Variants in IL1RAPL1 observed in about 807,000 individuals in gnomAD.
The protein encoded by IL1RAPL1 is interleukin-1 receptor accessory protein-like 1.
A neutral mutation model predicts 48.4 loss-of-function variants in IL1RAPL1; 3 were observed. The ratio of observed to expected loss-of-function variants is 0.06; its 90% CI spans 0.03 to 0.16. IL1RAPL1 has a LOEUF of 0.16. Ranked by LOEUF, IL1RAPL1 falls within the 10% of genes least tolerant of loss-of-function variation. The pLI, the probability that IL1RAPL1 is intolerant of heterozygous loss-of-function variation, is 1.00. For synonymous variants in IL1RAPL1, 185 were observed against 187.7 expected (o/e 0.99, Z 0.12); for missense variants, 349 against 530.6 (o/e 0.66, Z 3.36).
chrX:29,771,532 G>A (rs1484849887), intron 6 of IL1RAPL1, among the ~76,000 whole-genome samples: 1 of 111,695 alleles, frequency 9.0e-6, no homozygotes, highest in Non-Finnish European at 1.9e-5. Context: ...AGTAGTTTGG[G>A]GTCACTGTTT....
chrX:28,869,815 A>T (rs1354460285), intron 2 of IL1RAPL1, among the ~76,000 whole-genome samples: 3 of 111,588 alleles, frequency 2.7e-5, no homozygotes, highest in Admixed American at 9.5e-5. Context: ...ATTTTAGAAT[A>T]TTTTATTTAA....
intron 5 of IL1RAPL1, among the ~76,000 whole-genome samples, chrX:29,636,150 C>A (rs904207426): frequency 4.5e-5 from 5 of 110,833 alleles, no homozygotes; most frequent in Non-Finnish European, 7.6e-5. Context: ...GATAATATGA[C>A]AAAAAATGGT....
chrX:29,313,674 G>A (rs1053583528), intron 3 of IL1RAPL1, among the ~76,000 whole-genome samples: 6 of 111,569 alleles, frequency 5.4e-5, no homozygotes, highest in African/African-American at 2.0e-4. Flanking sequence ...CACAATATTA[G>A]GGAGGCAATG....
chrX:28,747,276 C>T (rs1461840811), intron 1 of IL1RAPL1, among the ~76,000 whole-genome samples: 1 of 111,507 alleles, frequency 9.0e-6, no homozygotes, highest in Non-Finnish European at 1.9e-5. Flanking sequence ...AAATTTCCTC[C>T]TTCCCCATGT....
intron 5 of IL1RAPL1, among the ~76,000 whole-genome samples, chrX:29,403,055 G>C (rs761141497): frequency 1.8e-5 from 2 of 111,448 alleles, no homozygotes; most frequent in Non-Finnish European, 3.8e-5. Context: ...TGTCATCCAT[G>C]CTATATGTCA....
At chrX:28,943,109 G>A (rs1924205557) in intron 2 of IL1RAPL1, among the ~76,000 whole-genome samples, 1 of 108,433 alleles carries the variant, frequency 9.2e-6, no homozygotes, top group Admixed American at 1.0e-4. Context: ...TTATTTCTCA[G>A]CCAGCGGAAC....
At position 29,482,426 on chromosome X, in the gene IL1RAPL1, T is replaced by G. The variant is rs776608145; in HGVS notation, c.703+83118T>G. On this transcript the variant is annotated intron_variant, in intron 5 of 10. Coordinates refer to ENST00000378993, the MANE Select transcript of IL1RAPL1 (RefSeq NM_014271.4). ...AATCATGGGGTTGTTATGAGGATATTTAATCACTTAGACTTAAGCTTTCTA... is the reference window on the plus strand; with the variant it reads ...AATCATGGGGTTGTTATGAGGATATGTAATCACTTAGACTTAAGCTTTCTA... Among the ~76,000 whole-genome samples, 7 of 112,222 alleles carry G rather than the reference T, an allele frequency of 6.2e-5. No individual in the cohort carries two copies. In the East Asian group the frequency reaches 2.0e-3, roughly 31 times the overall value.
intron 3 of IL1RAPL1, among the ~76,000 whole-genome samples, chrX:29,376,361 T>A (rs1602202904): frequency 9.1e-6 from 1 of 110,366 alleles, no homozygotes; most frequent in Middle Eastern, 4.8e-3. Flanking sequence ...CTAATTTTTG[T>A]GTATTTGTAT....
At chrX:29,900,007 G>A (rs1375369647) in intron 6 of IL1RAPL1, among the ~76,000 whole-genome samples, 3 of 111,484 alleles carry the variant, frequency 2.7e-5, no homozygotes, top group Non-Finnish European at 3.8e-5. Flanking sequence ...ATCAAATGGG[G>A]ACAACAAAGC....
intron 2 of IL1RAPL1, among the ~76,000 whole-genome samples, chrX:29,159,507 A>T (rs1426763008): frequency 1.8e-5 from 2 of 111,983 alleles, no homozygotes; most frequent in South Asian, 3.7e-4. Context: ...TCAAAGGTCA[A>T]TGTGTTCATA....
intron 2 of IL1RAPL1, among the ~76,000 whole-genome samples, chrX:29,260,762 T>C (rs919642207): frequency 9.0e-6 from 1 of 110,854 alleles, no homozygotes; most frequent in Non-Finnish European, 1.9e-5. Context: ...TAATAAAAGA[T>C]GAAAAAGTAT....
chrX:29,373,544 C>T (rs1374108624), intron 3 of IL1RAPL1, among the ~76,000 whole-genome samples: 1 of 110,956 alleles, frequency 9.0e-6, no homozygotes, highest in African/African-American at 3.3e-5. Flanking sequence ...GTGATGTTGG[C>T]TATGGGTTTG....
At chrX:29,712,099 T>C (rs1260033014) in intron 6 of IL1RAPL1, among the ~76,000 whole-genome samples, 1 of 110,175 alleles carries the variant, frequency 9.1e-6, no homozygotes, top group Admixed American at 9.8e-5. Context: ...TTCTTCTTTT[T>C]TTTTTTTGTG....
intron 2 of IL1RAPL1, among the ~76,000 whole-genome samples, chrX:28,822,834 C>G (rs950286426): frequency 8.9e-6 from 1 of 111,982 alleles, no homozygotes; most frequent in Non-Finnish European, 1.9e-5. Context: ...GCTAAGGCAT[C>G]ATCAGGACCC....
intron 6 of IL1RAPL1, among the ~76,000 whole-genome samples, chrX:29,736,283 AG>A (rs1260540546): frequency 2.7e-5 from 3 of 112,318 alleles, no homozygotes; most frequent in African/African-American, 9.7e-5. Context: ...CCAGCTACTC[AG>A]GAAGCTGAGG....
chrX:29,776,036 A>G (rs1402726793), intron 6 of IL1RAPL1, among the ~76,000 whole-genome samples: 1 of 111,201 alleles, frequency 9.0e-6, no homozygotes, highest in East Asian at 2.8e-4. Flanking sequence ...CCTCAATTTA[A>G]TTCAGGTCTG....
chrX:29,521,167 A>G (rs768312973), intron 5 of IL1RAPL1, among the ~76,000 whole-genome samples: 107 of 112,701 alleles, frequency 9.5e-4, no homozygotes, highest in African/African-American at 3.2e-3. Flanking sequence ...TTCAAACCTC[A>G]TCCAATGTCA....
chrX:29,645,003 G>A (rs1925278384), intron 5 of IL1RAPL1, among the ~76,000 whole-genome samples: 2 of 113,041 alleles, frequency 1.8e-5, no homozygotes, highest in African/African-American at 6.4e-5. Context: ...TTTACATATT[G>A]TTGATTATGT....
intron 2 of IL1RAPL1, among the ~76,000 whole-genome samples, chrX:29,076,630 CCATTCATT>C (rs776877717): frequency 9.0e-6 from 1 of 110,900 alleles, no homozygotes; most frequent in African/African-American, 3.3e-5. Flanking sequence ...CCATTCCATT[CCATTCATT>C]CATTCATTCA....
Sources: allele counts gnomAD v4.1 joint callset (sites outside exome capture counted in the v4.1 genomes callset), GRCh38; gene constraint gnomAD v4.1.1; transcripts MANE v1.5; gene names NCBI Gene and HGNC (gene_info 2026-07-23, HGNC 2026-07-21).